PACSIN2: variants seen among roughly 807,000 people sequenced by gnomAD.
PACSIN2 encodes the protein protein kinase C and casein kinase substrate in neurons 2.
Under a neutral mutation model 63.8 loss-of-function variants are expected in PACSIN2, and 25 were observed. The ratio of observed to expected loss-of-function variants is 0.39; its 90% CI spans 0.29 to 0.55. The LOEUF (loss-of-function observed/expected upper bound fraction) is 0.55. Among genes scored for constraint, PACSIN2 ranks in the 20% least tolerant of loss-of-function variants. The probability of loss-of-function intolerance (pLI) is 0.62; values close to 1 mark genes in which losing one functional copy is unlikely to be tolerated. For missense variants in PACSIN2, 518 were observed against 646.9 expected (o/e 0.80, Z 2.16); for synonymous variants, 255 against 256.2 (o/e 1.00, Z 0.05).
At chr22:42,903,009 G>A (rs572867015) in intron 2 of PACSIN2, among the ~76,000 whole-genome samples, 6 of 152,222 alleles carry the variant, frequency 3.9e-5, no homozygotes, top group Non-Finnish European at 7.3e-5. Context: ...GTAACTTCAT[G>A]GCCGGCAGAA....
intron 2 of PACSIN2, among the ~76,000 whole-genome samples, chr22:42,901,168 C>T (rs545231596): frequency 1.1e-4 from 16 of 152,238 alleles, no homozygotes; most frequent in African/African-American, 3.9e-4. Flanking sequence ...CCCTCTGCAC[C>T]CTGGAGAGGA....
intron 1 of PACSIN2, among the ~76,000 whole-genome samples, chr22:42,934,329 G>A (rs143390561): frequency 3.9e-5 from 6 of 152,352 alleles, no homozygotes; most frequent in Admixed American, 1.3e-4. Flanking sequence ...TACGGGAAAC[G>A]CAAGACCTTC....
intron 1 of PACSIN2, among the ~76,000 whole-genome samples, chr22:42,916,036 G>C (rs1000181198): frequency 6.6e-6 from 1 of 152,072 alleles, no homozygotes; most frequent in Non-Finnish European, 1.5e-5. Flanking sequence ...ATGGTGGAAG[G>C]CGGGAAATCC....
intron 7 of PACSIN2, among the ~76,000 whole-genome samples, chr22:42,880,819 T>A (rs1929016625): frequency 7.9e-6 from 1 of 126,242 alleles, no homozygotes; most frequent in Non-Finnish European, 1.9e-5. Context: ...ACTGTGCCCC[T>A]CTTTGGGTAT....
At chr22:42,983,489 CAAAA>C (rs775403003) in intron 1 of PACSIN2, among the ~76,000 whole-genome samples, 3 of 82,294 alleles carry the variant, frequency 3.6e-5, no homozygotes, top group African/African-American at 1.5e-4. Context: ...GACTCCATCT[CAAAA>C]AAAAAAAAAA....
At chr22:42,890,041 C>T (rs776412388) in intron 4 of PACSIN2, among the ~76,000 whole-genome samples, 11 of 146,452 alleles carry the variant, frequency 7.5e-5, no homozygotes, top group Non-Finnish European at 1.2e-4. Context: ...CTCCCTCTGT[C>T]ACCAGGCTGG....
intron 1 of PACSIN2, among the ~76,000 whole-genome samples, chr22:42,957,922 G>A (rs923753687): frequency 1.3e-5 from 2 of 152,078 alleles, no homozygotes; most frequent in African/African-American, 2.4e-5. Flanking sequence ...CTAGGGGAGA[G>A]GCAAGCAAAA....
At chr22:42,908,743 G>A (rs1931250951) in intron 2 of PACSIN2, among the ~76,000 whole-genome samples, 1 of 152,148 alleles carries the variant, frequency 6.6e-6, no homozygotes, top group African/African-American at 2.4e-5. Context: ...TCAGCACTCT[G>A]TAAGACCACA....
chr22:42,893,352 C>T, intron 3 of PACSIN2, 105 bp downstream of exon 3: 1 of 1,241,642 alleles, frequency 8.1e-7, no homozygotes, highest in South Asian at 1.2e-5. Flanking sequence ...TTGCCCCAAT[C>T]TTAAAAGACA....
chr22:42,980,756 C>G (rs1157427880), intron 1 of PACSIN2, among the ~76,000 whole-genome samples: 2 of 96,744 alleles, frequency 2.1e-5, no homozygotes, highest in African/African-American at 4.2e-5. Context: ...CCCGAGGTGC[C>G]GGGATTGCAG....
chr22:42,901,521 C>T (rs955975360), intron 2 of PACSIN2, among the ~76,000 whole-genome samples: 4 of 152,210 alleles, frequency 2.6e-5, no homozygotes, highest in African/African-American at 7.2e-5. Flanking sequence ...AAATGTGTAA[C>T]TTTGTACAAG....
intron 1 of PACSIN2, among the ~76,000 whole-genome samples, chr22:42,957,071 C>A (rs761348165): frequency 6.6e-6 from 1 of 151,822 alleles, no homozygotes; most frequent in Non-Finnish European, 1.5e-5. Context: ...TAAGCCACTG[C>A]GGCTCCTGAG....
intron 1 of PACSIN2, among the ~76,000 whole-genome samples, chr22:43,000,230 TTC>T (rs1923679681): frequency 6.6e-6 from 1 of 151,902 alleles, no homozygotes; most frequent in African/African-American, 2.4e-5. Flanking sequence ...GCAACCCGGG[TTC>T]CAGGTCAGGA....
chr22:42,935,841 TGA>T (rs906935693), intron 1 of PACSIN2, among the ~76,000 whole-genome samples: 17 of 152,100 alleles, frequency 1.1e-4, no homozygotes, highest in Non-Finnish European at 2.5e-4. Context: ...ATGGCACCCC[TGA>T]GAGATGACCT....
chr22:43,011,963 G>C (rs565697263), intron 1 of PACSIN2, among the ~76,000 whole-genome samples: 1 of 151,824 alleles, frequency 6.6e-6, no homozygotes, highest in Non-Finnish European at 1.5e-5. Context: ...TGGCCAACAC[G>C]GTGAAATCCC....
At chr22:42,957,639 GTTGTATTATTTTAA>G (rs1160739061) in intron 1 of PACSIN2, among the ~76,000 whole-genome samples, 1 of 152,114 alleles carries the variant, frequency 6.6e-6, no homozygotes, top group Non-Finnish European at 1.5e-5. Flanking sequence ...TTTATATTAT[GTTGTATTATTTTAA>G]AGTCTTTCAT....
At chr22:42,948,458 T>C (rs914562687) in intron 1 of PACSIN2, among the ~76,000 whole-genome samples, 13 of 152,204 alleles carry the variant, frequency 8.5e-5, no homozygotes, top group Non-Finnish European at 1.8e-4. Flanking sequence ...ACTATAAATA[T>C]GTGCCTTTGA....
chr22:42,980,078 AAAAAG>A (rs1214874180), intron 1 of PACSIN2, among the ~76,000 whole-genome samples: 1 of 152,238 alleles, frequency 6.6e-6, no homozygotes, highest in African/African-American at 2.4e-5. Flanking sequence ...TAATTAAAAA[AAAAAG>A]AAAGAAAGAA....
intron 1 of PACSIN2, among the ~76,000 whole-genome samples, chr22:42,998,137 G>A (rs1923536201): frequency 6.6e-6 from 1 of 152,228 alleles, no homozygotes; most frequent in Non-Finnish European, 1.5e-5. Context: ...AGGTTAAGGA[G>A]GGAGCAGAAG....
Sources: allele counts gnomAD v4.1 joint callset (sites outside exome capture counted in the v4.1 genomes callset), GRCh38; gene constraint gnomAD v4.1.1; transcripts MANE v1.5; gene names NCBI Gene and HGNC (gene_info 2026-07-23, HGNC 2026-07-21).